The following SNX29 variants were observed in gnomAD, a reference collection of about 807,000 sequenced individuals.
The protein encoded by SNX29 is sorting nexin-29.
In SNX29, 78 loss-of-function variants were observed where a neutral mutation model predicts 102.1. The ratio of observed to expected loss-of-function variants is 0.76; its 90% CI spans 0.64 to 0.92. The LOEUF (loss-of-function observed/expected upper bound fraction) is 0.92, where lower values mean the gene tolerates loss of function less well. SNX29 is among the 40% of genes least tolerant of loss of function. The pLI is 0.00. For missense variants in SNX29, 1,280 were observed against 1,061.7 expected, an observed-to-expected ratio of 1.21 and a Z score of -2.86; for synonymous variants, 580 against 414.5, an observed-to-expected ratio of 1.40 and a Z score of -4.85.
At chr16:12,316,222 G>A (rs1357446795) in intron 15 of SNX29, among the ~76,000 whole-genome samples, 2 of 152,192 alleles carry the variant, frequency 1.3e-5, no homozygotes, top group Non-Finnish European at 2.9e-5. Context: ...TTTGGGATAG[G>A]TTCCACAGGG....
chr16:12,559,047 G>A (rs149363448), intron 20 of SNX29, among the ~76,000 whole-genome samples: 10 of 152,122 alleles, frequency 6.6e-5, no homozygotes, highest in South Asian at 2.1e-4. Flanking sequence ...TTCACACATC[G>A]TAACTGCAAT....
Position 12,126,674 on chromosome 16 carries a change from G to C in SNX29, c.1444G>C (p.Asp482His), listed in dbSNP as rs768117073. The change falls in exon 12 of 21, where the codon GAT (aspartate) becomes CAT (histidine). Residue 482 changes from aspartate to histidine, a missense_variant. Transcript: ENST00000566228. ...CACTGTGGCCATGATGAACAGGAAGGATGAGCTGGAGGAGGAGAACAGGTA... is the reference window on the plus strand; with the variant it reads ...CACTGTGGCCATGATGAACAGGAAGCATGAGCTGGAGGAGGAGAACAGGTA... ...QATVAMMNRK[D>H]ELEEENRSLR... is the part of the protein sequence containing the mutation. The C allele has an allele frequency of 1.2e-6, 2 of 1,614,050 alleles. No homozygotes were observed. The highest frequency in any genetic ancestry group is 3.3e-5 in the Admixed American group (2 of 60,028).
intron 11 of SNX29, among the ~76,000 whole-genome samples, chr16:12,084,167 C>T (rs961782797): frequency 5.4e-5 from 8 of 148,718 alleles, no homozygotes; most frequent in African/African-American, 7.5e-5. Flanking sequence ...TTTTTTGAGA[C>T]GGAGTGTTGC....
At chr16:12,438,829 C>T (rs995037532) in intron 18 of SNX29, among the ~76,000 whole-genome samples, 1 of 152,118 alleles carries the variant, frequency 6.6e-6, no homozygotes. Flanking sequence ...GTTCTAGACT[C>T]AGGGAAGGTT....
At chr16:12,393,893 T>C (rs1444958376) in intron 16 of SNX29, among the ~76,000 whole-genome samples, 1 of 152,224 alleles carries the variant, frequency 6.6e-6, no homozygotes, top group Non-Finnish European at 1.5e-5. Context: ...TGTCATGAGG[T>C]AGGCAAGGAA....
At chr16:12,421,584 G>C (rs1217329845) in intron 18 of SNX29, among the ~76,000 whole-genome samples, 1 of 152,210 alleles carries the variant, frequency 6.6e-6, no homozygotes, top group Non-Finnish European at 1.5e-5. Context: ...TCAGAGTGCT[G>C]TTAGATTTAA....
At chr16:12,406,223 C>G (rs1225095401) in intron 18 of SNX29, among the ~76,000 whole-genome samples, 1 of 152,168 alleles carries the variant, frequency 6.6e-6, no homozygotes, top group Non-Finnish European at 1.5e-5. Context: ...CACAGTTGCA[C>G]TCATTGATTT....
At chr16:12,189,140 A>G (rs1158725113) in intron 13 of SNX29, among the ~76,000 whole-genome samples, 1 of 152,188 alleles carries the variant, frequency 6.6e-6, no homozygotes, top group Non-Finnish European at 1.5e-5. Flanking sequence ...TTCACCCCTG[A>G]GTCTGTTAAT....
intron 8 of SNX29, 54 bp from the exon 9 acceptor site, chr16:12,061,474 C>T (rs1360033309): frequency 6.9e-7 from 1 of 1,443,316 alleles, no homozygotes; most frequent in Non-Finnish European, 9.5e-7. Flanking sequence ...GTTGGTGAGT[C>T]ATGCGGCCTG....
intron 3 of SNX29, among the ~76,000 whole-genome samples, chr16:12,022,895 C>CTTTTT (rs34712388): frequency 8.1e-6 from 1 of 124,168 alleles, no homozygotes; most frequent in Non-Finnish European, 1.7e-5. Context: ...TACCTTATTC[C>CTTTTT]TTTTTTTTTT....
intron 4 of SNX29, among the ~76,000 whole-genome samples, chr16:12,039,007 G>A (rs2057555607): frequency 6.6e-6 from 1 of 152,152 alleles, no homozygotes; most frequent in Non-Finnish European, 1.5e-5. Flanking sequence ...GACATTTAGG[G>A]ATTGAGACAC....
intron 20 of SNX29, among the ~76,000 whole-genome samples, chr16:12,541,175 C>T (rs756953618): frequency 6.6e-6 from 1 of 152,158 alleles, no homozygotes; most frequent in East Asian, 1.9e-4. Context: ...GAACCTCTTC[C>T]TCAGTATTGT....
chr16:12,217,463 A>G lies in SNX29; in HGVS notation c.1678+17780A>G, dbSNP rs151144490. Among the ~76,000 whole-genome samples the G allele has an allele frequency of 3.9e-5, 6 of 152,252 alleles. 1 individual carries two copies. The South Asian group carries it at 1.2e-3, about 32-fold the overall frequency. ...GACATGTGAAATATGGTCTCTACTCAATACTTTGAAACCTACAGGTGGTAG... is the reference window on the plus strand; with the variant it reads ...GACATGTGAAATATGGTCTCTACTCGATACTTTGAAACCTACAGGTGGTAG... On this transcript the variant is annotated intron_variant, in intron 14 of 20. Coordinates refer to ENST00000566228, the MANE Select transcript of SNX29 (RefSeq NM_032167.5).
chr16:12,489,831 C>A (rs1012941394), intron 19 of SNX29, among the ~76,000 whole-genome samples: 1 of 151,742 alleles, frequency 6.6e-6, no homozygotes, highest in African/African-American at 2.4e-5. Flanking sequence ...TTCGAGATTG[C>A]GTCTCACTCT....
At chr16:12,281,545 A>T (rs1444312082) in intron 15 of SNX29, among the ~76,000 whole-genome samples, 2 of 152,236 alleles carry the variant, frequency 1.3e-5, no homozygotes, top group Non-Finnish European at 2.9e-5. Flanking sequence ...TCTGGCAGGT[A>T]TACATTAATC....
chr16:12,310,157 T>C (rs2080489489), intron 15 of SNX29, among the ~76,000 whole-genome samples: 1 of 151,900 alleles, frequency 6.6e-6, no homozygotes, highest in South Asian at 2.1e-4. Flanking sequence ...ATAGTTGACA[T>C]ATGGTGTTTA....
rs1261386007 is a variant in SNX29, at chr16:12,570,027, A to C, written c.*1398A>C. On this transcript the variant is annotated 3_prime_UTR_variant, in exon 21 of 21. Coordinates refer to ENST00000566228, the MANE Select transcript of SNX29 (RefSeq NM_032167.5). ...TAAAATGAGAACTGCCCAGGTGAGC[A>C]TGGAGCATCTCCTAGGCTCGAGGAC... 2.8e-6 allele frequency: 1 copy of C among 354,540 alleles called. No homozygotes were observed. The highest frequency in any genetic ancestry group is 5.9e-5 in the East Asian group (1 of 17,002). The allele number at this position is 354,540 out of a possible 1,614,324, so 22.0% of individuals were successfully genotyped here.
intron 20 of SNX29, among the ~76,000 whole-genome samples, chr16:12,544,576 TGCAG>T (rs1160341962): frequency 6.6e-6 from 1 of 152,244 alleles, no homozygotes; most frequent in Non-Finnish European, 1.5e-5. Context: ...TTCATTGTTC[TGCAG>T]GCATTTCTTA....
Position 12,080,886 on chromosome 16 carries a change from G to A in SNX29, c.1402+1971G>A, listed in dbSNP as rs2051838914. On this transcript the variant is annotated intron_variant, in intron 11 of 20. Coordinates refer to ENST00000566228, the MANE Select transcript of SNX29 (RefSeq NM_032167.5). ...TTTAGTAGAGATGGGGTTTCGCCAT[G>A]TTGGCCGGGCTGGTCTTGAACTCCT... Among the ~76,000 whole-genome samples, 3 of 151,500 alleles carry A rather than the reference G, an allele frequency of 2.0e-5. No homozygotes were observed. The South Asian group carries it at 6.3e-4, about 32-fold the overall frequency.
Sources: gnomAD v4.1 joint callset for allele counts (sites outside exome capture counted in the v4.1 genomes callset) on GRCh38, gnomAD v4.1.1 for gene constraint, MANE v1.5 for transcripts, NCBI Gene and HGNC (gene_info 2026-07-23, HGNC 2026-07-21) for gene names.